METAP1D: variants seen among roughly 807,000 people sequenced by gnomAD.
METAP1D encodes methionyl aminopeptidase type 1D, mitochondrial, also known as methionine aminopeptidase 1D, mitochondrial.
Under a neutral mutation model 40.5 loss-of-function variants are expected in METAP1D, and 31 were observed. The observed-to-expected ratio is 0.77, with a 90% CI of 0.58 to 1.03. METAP1D has a LOEUF of 1.03. Among genes scored for constraint, METAP1D ranks in the 50% least tolerant of loss-of-function variants. The pLI, the probability that METAP1D is intolerant of heterozygous loss-of-function variation, is 0.00. For missense variants in METAP1D, 411 were observed against 420.7 expected (o/e 0.98, Z 0.20); for synonymous variants, 151 against 146.4 (o/e 1.03, Z -0.22).
intron 8 of METAP1D, among the ~76,000 whole-genome samples, chr2:172,079,781 A>AT (rs1031701789): frequency 1.3e-5 from 2 of 151,960 alleles, no homozygotes; most frequent in African/African-American, 2.4e-5. Flanking sequence ...AAATTTAAAT[A>AT]TTTTTTTAAA....
chr2:172,034,076 C>CA (rs1491369972), intron 1 of METAP1D, among the ~76,000 whole-genome samples: 1,395 of 37,822 alleles, frequency 0.037, 50 homozygotes, highest in African/African-American at 0.07. Context: ...GACTTCATCT[C>CA]AAAAAAAAAA....
chr2:172,035,138 C>G lies in METAP1D; in HGVS notation c.41-26360C>G, dbSNP rs949635585. Among the ~76,000 whole-genome samples the G allele has an allele frequency of 2.0e-4, 26 of 128,992 alleles. No individual in the cohort carries two copies. In the Admixed American group the frequency reaches 2.0e-3, roughly 10 times the overall value. The allele number at this position is 128,992 out of a possible 152,430, so 84.6% of individuals were successfully genotyped here. A position where few individuals can be genotyped will look rare whatever the true frequency, so the allele number is the denominator to read the frequency against. ...TATGAAGCAAATACCTATGTAACTA[C>G]TGTACTGTGTTTTTTTTTTGTTTGT... On this transcript the variant is annotated intron_variant, in intron 1 of 9. Transcript: ENST00000315796.
chr2:172,040,566 G>C (rs1689495792), intron 1 of METAP1D, among the ~76,000 whole-genome samples: 1 of 152,104 alleles, frequency 6.6e-6, no homozygotes, highest in Admixed American at 6.5e-5. Context: ...CTCCCAGGGG[G>C]AGATCAAACT....
At chr2:172,045,729 GTGTATA>G (rs1268221663) in intron 1 of METAP1D, among the ~76,000 whole-genome samples, 3 of 85,430 alleles carry the variant, frequency 3.5e-5, no homozygotes, top group African/African-American at 1.1e-4. Context: ...GTGTGTGTGT[GTGTATA>G]TATATGTGTA....
intron 8 of METAP1D, among the ~76,000 whole-genome samples, chr2:172,079,915 G>GA (rs1453723568): frequency 6.6e-5 from 10 of 152,176 alleles, no homozygotes; most frequent in Admixed American, 6.5e-4. Context: ...CATACATTTT[G>GA]AATGGCGCAG....
intron 1 of METAP1D, among the ~76,000 whole-genome samples, chr2:172,003,890 G>A (rs976706584): frequency 6.6e-5 from 10 of 151,576 alleles, no homozygotes; most frequent in Admixed American, 1.3e-4. Context: ...TCAGCCTCCC[G>A]AGTAGCTGGG....
chr2:172,040,123 A>T (rs189627926), intron 1 of METAP1D, among the ~76,000 whole-genome samples: 1,965 of 149,606 alleles, frequency 0.013, 44 homozygotes, highest in African/African-American at 0.046. Context: ...ACGCCCGGCT[A>T]ATTTTTGTAT....
In METAP1D at chr2:172,082,198, T is replaced by C. The variant is rs1330412244; in HGVS notation, c.*1792T>C. The C allele has an allele frequency of 1.3e-5, 2 of 150,418 alleles. No individual in the cohort carries two copies. Among genetic ancestry groups the C allele is most frequent in the Admixed American group, 1.3e-4 (2 of 15,070 alleles). 9.3% of individuals were successfully genotyped at this position (150,418 alleles called of 1,614,324 possible). ...AGAGGGTTCAGCTGGCCTTGGGAGA[T>C]GTTTGCTGGAGAATGACTTCAGTTT... is the stretch of plus-strand genomic sequence containing the variant. On this transcript the variant is annotated 3_prime_UTR_variant, in exon 10 of 10. Coordinates refer to ENST00000315796, the MANE Select transcript of METAP1D (RefSeq NM_199227.3).
chr2:172,080,854 CTG>C lies in METAP1D; in HGVS notation c.*449_*450del, dbSNP rs2105509630. 13 of 189,940 alleles carry C rather than the reference CTG, an allele frequency of 6.8e-5. No individual in the cohort carries two copies. The South Asian group carries it at 1.3e-3, about 19-fold the overall frequency. 11.8% of individuals were successfully genotyped at this position (189,940 alleles called of 1,614,324 possible). A position where few individuals can be genotyped will look rare whatever the true frequency, so the allele number is the denominator to read the frequency against. On this transcript the variant is annotated 3_prime_UTR_variant, in exon 10 of 10. Coordinates refer to ENST00000315796, the MANE Select transcript of METAP1D (RefSeq NM_199227.3). ...CTGCCGAAAAATCCGAACCTGTTGA[CTG>C]GGATTTTTAAGAATCCGTTTCTCCC...
At chr2:172,002,483 ATATAT>A (rs1688489845) in intron 1 of METAP1D, among the ~76,000 whole-genome samples, 1 of 152,182 alleles carries the variant, frequency 6.6e-6, no homozygotes, top group African/African-American at 2.4e-5. Context: ...TCTTGAGAAA[ATATAT>A]TATATGGAAG....
At chr2:172,079,855 C>A (rs555077806) in intron 8 of METAP1D, among the ~76,000 whole-genome samples, 1 of 152,286 alleles carries the variant, frequency 6.6e-6, no homozygotes. Context: ...CTAATTAAAG[C>A]TTGATTAAAA....
intron 1 of METAP1D, among the ~76,000 whole-genome samples, chr2:172,058,416 G>C (rs1690048976): frequency 6.6e-6 from 1 of 152,134 alleles, no homozygotes. Context: ...CCTTCCAACT[G>C]TCTGCTTTTC....
At chr2:172,035,756 C>T (rs1689361842) in intron 1 of METAP1D, among the ~76,000 whole-genome samples, 1 of 152,060 alleles carries the variant, frequency 6.6e-6, no homozygotes, top group East Asian at 1.9e-4. Flanking sequence ...TCAAGTGATC[C>T]TCCCACCTCC....
chr2:172,078,205 C>G (rs1255355264), intron 7 of METAP1D, among the ~76,000 whole-genome samples: 1 of 152,222 alleles, frequency 6.6e-6, no homozygotes, highest in African/African-American at 2.4e-5. Flanking sequence ...CAAAACGCCA[C>G]TGCATCAGTG....
chr2:172,020,014 A>G (rs1288734961), intron 1 of METAP1D, among the ~76,000 whole-genome samples: 1 of 152,054 alleles, frequency 6.6e-6, no homozygotes, highest in East Asian at 1.9e-4. Flanking sequence ...TTTTTTTTAG[A>G]CAAGAGTCTT....
chr2:172,029,836 C>T (rs1689199038), intron 1 of METAP1D, among the ~76,000 whole-genome samples: 2 of 152,162 alleles, frequency 1.3e-5, no homozygotes, highest in South Asian at 4.1e-4. Context: ...CTCACTGCAA[C>T]CTCCATCTCC....
At chr2:172,066,942 T>C (rs1690299104) in intron 5 of METAP1D, among the ~76,000 whole-genome samples, 1 of 152,210 alleles carries the variant, frequency 6.6e-6, no homozygotes, top group Admixed American at 6.5e-5. Flanking sequence ...GAACTTAAGT[T>C]TTCACCAAAT....
At chr2:172,036,578 G>A (rs1292294977) in intron 1 of METAP1D, among the ~76,000 whole-genome samples, 5 of 151,548 alleles carry the variant, frequency 3.3e-5, no homozygotes, top group African/African-American at 1.2e-4. Context: ...TGTTAGCCAG[G>A]ATGGTCTCGA....
intron 1 of METAP1D, among the ~76,000 whole-genome samples, chr2:172,060,721 C>T (rs928575170): frequency 6.6e-6 from 1 of 152,118 alleles, no homozygotes; most frequent in Admixed American, 6.5e-5. Context: ...TAATCAGTCC[C>T]CTACTGGTAT....
Sources: allele counts gnomAD v4.1 joint callset (sites outside exome capture counted in the v4.1 genomes callset), GRCh38; gene constraint gnomAD v4.1.1; transcripts MANE v1.5; gene names NCBI Gene and HGNC (gene_info 2026-07-23, HGNC 2026-07-21).